Variants in EPHA8 observed in about 807,000 individuals in gnomAD.
EPHA8 encodes EPH receptor A8.
In EPHA8, 58 loss-of-function variants were observed where a neutral mutation model predicts 103.6. That is an observed-to-expected ratio of 0.56 (90% confidence interval 0.45 to 0.70). The LOEUF (loss-of-function observed/expected upper bound fraction) is 0.70, where lower values mean the gene tolerates loss of function less well. Among genes scored for constraint, EPHA8 ranks in the 30% least tolerant of loss-of-function variants. The pLI, the probability that EPHA8 is intolerant of heterozygous loss-of-function variation, is 0.00. For missense variants in EPHA8, 1,304 were observed against 1,395.2 expected (o/e 0.93, Z 1.04); for synonymous variants, 559 against 572.5 (o/e 0.98, Z 0.34).
intron 5 of EPHA8, 83 bp from the exon 6 acceptor site, chr1:22,593,243 C>G: frequency 6.7e-7 from 1 of 1,497,312 alleles, no homozygotes. Context: ...GAACCAGGAT[C>G]CCCAGGTGGA....
Position 22,596,124 on chromosome 1 carries a change from G to A in EPHA8, c.1716G>A (p.Lys572=). Residue 572 remains lysine, a synonymous_variant, in exon 9 of 17, where the codon AAG becomes AAA. Coordinates refer to ENST00000166244, the MANE Select transcript of EPHA8 (RefSeq NM_020526.5). ...TCTGCAGGCACTGTGGCTACAGCAA[G>A]GCCTTCCAGGACTCGGACGAGGAGA... ...ICKKRHCGYS[K]AFQDSDEEKM... 1 of 1,613,984 alleles carries A rather than the reference G, an allele frequency of 6.2e-7. No individual in the cohort carries two copies.
At position 22,574,009 on chromosome 1, in the gene EPHA8, C is replaced by T. The variant is rs564966708; in HGVS notation, c.160-2208C>T. 2.4e-4 allele frequency among the ~76,000 whole-genome samples: 37 copies of T among 152,316 alleles called. No homozygotes were observed. The South Asian group carries it at 7.5e-3, about 31-fold the overall frequency. On this transcript the variant is annotated intron_variant, in intron 2 of 16. Transcript: ENST00000166244. ...TCTTTCTTTTTTTGAGACGGAGTCT[C>T]GCTGTGTCACCCAGGTTGGAGCGCA...
intron 7 of EPHA8, among the ~76,000 whole-genome samples, chr1:22,594,101 G>T (rs1452002135): frequency 6.6e-6 from 1 of 152,216 alleles, no homozygotes; most frequent in Non-Finnish European, 1.5e-5. Context: ...AAAGTGCTGG[G>T]ATTACAGGCA....
At chr1:22,583,612 G>C (rs143667914) in intron 3 of EPHA8, among the ~76,000 whole-genome samples, 163 of 152,332 alleles carry the variant, frequency 1.1e-3, no homozygotes, top group African/African-American at 3.8e-3. Flanking sequence ...ATAACAACAA[G>C]TGCCAGGCAC....
chr1:22,596,048 G>T, intron 8 of EPHA8, 58 bp from the exon 9 acceptor site: 2 of 1,547,712 alleles, frequency 1.3e-6, no homozygotes, highest in South Asian at 2.2e-5. Flanking sequence ...CCTGGTTGGG[G>T]TCAGGTCCCG....
chr1:22,582,925 G>C (rs1421069128), intron 3 of EPHA8, among the ~76,000 whole-genome samples: 1 of 152,248 alleles, frequency 6.6e-6, no homozygotes, highest in Non-Finnish European at 1.5e-5. Flanking sequence ...TCATTTCGGA[G>C]GGGGAGCAGG....
chr1:22,601,953 C>A lies in EPHA8; in HGVS notation c.*212C>A, dbSNP rs538164172. 8.2e-4 allele frequency: 490 copies of A among 594,712 alleles called. 7 individuals carry two copies. The South Asian group carries it at 9.3e-3, about 11-fold the overall frequency. 36.8% of individuals were successfully genotyped at this position (594,712 alleles called of 1,614,324 possible). On this transcript the variant is annotated 3_prime_UTR_variant, in exon 17 of 17. Transcript: ENST00000166244. ...TTTGGTGGCCACCCTGGTGAGGACA[C>A]CTGTCCCCCAGGGCAGGCACCTTCT... is the stretch of plus-strand genomic sequence containing the variant.
intron 2 of EPHA8, among the ~76,000 whole-genome samples, chr1:22,570,336 G>GCACACACGCA (rs1557551208): frequency 1.4e-5 from 2 of 141,572 alleles, no homozygotes; most frequent in African/African-American, 5.6e-5. Flanking sequence ...ACACGCACAT[G>GCACACACGCA]CACATGCGTG....
At position 22,601,956 on chromosome 1, in the gene EPHA8, GT is replaced by G; in HGVS notation, c.*216del. On this transcript the variant is annotated 3_prime_UTR_variant, in exon 17 of 17. Coordinates refer to ENST00000166244, the MANE Select transcript of EPHA8 (RefSeq NM_020526.5). ...GGTGGCCACCCTGGTGAGGACACCT[GT>G]CCCCCAGGGCAGGCACCTTCTCTTT... The G allele has an allele frequency of 1.7e-6, 1 of 592,484 alleles. No homozygotes were observed. Among genetic ancestry groups the G allele is most frequent in the South Asian group, 2.2e-5 (1 of 46,396 alleles). 36.7% of individuals were successfully genotyped at this position (592,484 alleles called of 1,614,324 possible).
intron 3 of EPHA8, among the ~76,000 whole-genome samples, chr1:22,585,048 T>TGTGTGTGTGTGTGTGTGTGTGTGCGC (rs1335581382): frequency 9.0e-6 from 1 of 111,284 alleles, no homozygotes; most frequent in East Asian, 2.2e-4. Context: ...TGTGTGTGTG[T>TGTGTGTGTGTGTGTGTGTGTGTGCGC]GTGCGCACGC....
intron 3 of EPHA8, among the ~76,000 whole-genome samples, chr1:22,585,220 G>A (rs921903885): frequency 6.6e-6 from 1 of 152,154 alleles, no homozygotes; most frequent in East Asian, 1.9e-4. Context: ...CAGTGCTTTA[G>A]TTTGGCCTAA....
intron 3 of EPHA8, among the ~76,000 whole-genome samples, chr1:22,578,939 G>A (rs904213205): frequency 2.1e-5 from 3 of 145,214 alleles, no homozygotes; most frequent in African/African-American, 7.4e-5. Flanking sequence ...GTGCATGTGT[G>A]TATGTATGCA....
At position 22,597,124 on chromosome 1, in the gene EPHA8, C is replaced by G. The variant is rs1641538881; in HGVS notation, c.1766-188C>G. 6.6e-6 allele frequency among the ~76,000 whole-genome samples: 1 copy of G among 152,134 alleles called. No individual in the cohort carries two copies. Among genetic ancestry groups the G allele is most frequent in the Admixed American group, 6.5e-5 (1 of 15,276 alleles). ...GGAGACTCCACAGCCCCATAGAAAC[C>G]CCAGAGCGACTCCAGAGACCCCACT... is the stretch of plus-strand genomic sequence containing the variant. On this transcript the variant is annotated intron_variant, in intron 9 of 16. Coordinates refer to ENST00000166244, the MANE Select transcript of EPHA8 (RefSeq NM_020526.5). This position sits in a 1 kb window ranked among gnomAD's most constrained non-coding sequence, Gnocchi z 4.6.
chr1:22,596,211 G>T (rs1262348618), intron 9 of EPHA8, 38 bp downstream of exon 9: 2 of 1,598,940 alleles, frequency 1.3e-6, no homozygotes, highest in Admixed American at 1.7e-5. Flanking sequence ...GCAGAGGGAA[G>T]GCCACAGGGG....
Position 22,576,373 on chromosome 1 carries a change from C to A in EPHA8, c.316C>A (p.Arg106Ser), listed in dbSNP as rs770825298. 7.4e-6 allele frequency: 12 copies of A among 1,613,718 alleles called. No individual in the cohort carries two copies. Among genetic ancestry groups the A allele is most frequent in the Non-Finnish European group, 7.6e-6 (9 of 1,180,032 alleles). The part of the protein sequence containing the change: ...RVYAEIKFTL[R>S]DCNSMPGVLG... ...CTATGCTGAGATCAAGTTTACCCTG[C>A]GCGACTGCAACAGCATGCCTGGTGT... Residue 106 changes from arginine to serine, a missense_variant, in exon 3 of 17, where the codon CGC (arginine) becomes AGC (serine). Coordinates refer to ENST00000166244, the MANE Select transcript of EPHA8 (RefSeq NM_020526.5). This position sits in a 1 kb window ranked among gnomAD's most constrained non-coding sequence, Gnocchi z 4.8.
intron 5 of EPHA8, 105 bp from the exon 6 acceptor site, chr1:22,593,221 T>C: frequency 6.8e-7 from 1 of 1,467,180 alleles, no homozygotes; most frequent in Non-Finnish European, 9.1e-7. Context: ...ATCAGGAAGC[T>C]GAGCAGGGCT....
intron 2 of EPHA8, among the ~76,000 whole-genome samples, chr1:22,575,882 G>A (rs892042808): frequency 1.3e-5 from 2 of 152,170 alleles, no homozygotes; most frequent in African/African-American, 2.4e-5. Flanking sequence ...AAGAAAGATA[G>A]GAGGAGCCAC....
At position 22,570,665 on chromosome 1, in the gene EPHA8, C is replaced by T. The variant is rs185704683; in HGVS notation, c.159+1312C>T. Among the ~76,000 whole-genome samples, 837 of 152,334 alleles carry T rather than the reference C, an allele frequency of 5.5e-3. 5 individuals carry two copies. The highest frequency in any genetic ancestry group is 0.018 in the African/African-American group (753 of 41,584). On this transcript the variant is annotated intron_variant, in intron 2 of 16. Transcript: ENST00000166244. ...CTCTGGGGGTCTGGTCACCAGGCAGCGGTGAGCTGAGCCTGTTATCAGCCC... is the reference window on the plus strand; with the variant it reads ...CTCTGGGGGTCTGGTCACCAGGCAGTGGTGAGCTGAGCCTGTTATCAGCCC...
intron 3 of EPHA8, among the ~76,000 whole-genome samples, chr1:22,579,178 T>C (rs1479188336): frequency 1.6e-4 from 25 of 151,590 alleles, no homozygotes; most frequent in African/African-American, 5.6e-4. Context: ...TGTGTGTGCA[T>C]GTGTGCGTGA....
Sources: gnomAD v4.1 joint callset for allele counts (sites outside exome capture counted in the v4.1 genomes callset) on GRCh38, gnomAD v4.1.1 for gene constraint, Gnocchi (gnomAD v3.1) non-coding constraint, MANE v1.5 for transcripts, NCBI Gene and HGNC (gene_info 2026-07-23, HGNC 2026-07-21) for gene names.